Variants in ENTREP2 observed in about 807,000 individuals in gnomAD.
The protein encoded by ENTREP2 is protein ENTREP2.
the ENTREP2 span, among the ~76,000 whole-genome samples, chr15:29,238,027 G>T: frequency 4.6e-5 from 7 of 152,168 alleles, no homozygotes; most frequent in African/African-American, 1.7e-4. Flanking sequence ...ACATAAAAAA[G>T]AATGAAGTAC....
chr15:29,377,513 G>A, the ENTREP2 span, among the ~76,000 whole-genome samples: 2 of 151,998 alleles, frequency 1.3e-5, no homozygotes, highest in African/African-American at 4.8e-5. Context: ...AGAAGACAGG[G>A]GCAGCTGCAT....
At chr15:29,425,276 C>G in the ENTREP2 span, among the ~76,000 whole-genome samples, 5 of 151,700 alleles carry the variant, frequency 3.3e-5, no homozygotes, top group Non-Finnish European at 5.9e-5. Flanking sequence ...CTGACCTCAT[C>G]ATCTGCCTGC....
chr15:29,125,301 G>A, the ENTREP2 span, among the ~76,000 whole-genome samples: 1 of 152,182 alleles, frequency 6.6e-6, no homozygotes, highest in Admixed American at 6.5e-5. Context: ...CCAGCAGAGG[G>A]GGGTGTTTCA....
At chr15:29,296,270 G>A in the ENTREP2 span, among the ~76,000 whole-genome samples, 6 of 152,160 alleles carry the variant, frequency 3.9e-5, no homozygotes, top group African/African-American at 7.2e-5. Context: ...TTGGATGAGG[G>A]GGTAGCAGTG....
the ENTREP2 span, among the ~76,000 whole-genome samples, chr15:29,507,916 A>C: frequency 6.6e-6 from 1 of 152,178 alleles, no homozygotes; most frequent in Non-Finnish European, 1.5e-5. Context: ...GCAGAACTGA[A>C]GGAGATAGAG....
the ENTREP2 span, among the ~76,000 whole-genome samples, chr15:29,502,456 C>G: frequency 6.6e-6 from 1 of 151,606 alleles, no homozygotes. Context: ...AATCAAAGGC[C>G]TAAATGTAAG....
chr15:29,444,182 GAAAGAAAGAAAGAAAGAA>G, the ENTREP2 span, among the ~76,000 whole-genome samples: 1 of 34,972 alleles, frequency 2.9e-5, no homozygotes, highest in Non-Finnish European at 6.5e-5. Context: ...AAGAAAGAAA[GAAAGAAAGAAAGAAAGAA>G]AGAAAGAAAG....
chr15:29,318,511 G>A, the ENTREP2 span, among the ~76,000 whole-genome samples: 30 of 151,966 alleles, frequency 2.0e-4, no homozygotes, highest in South Asian at 4.2e-4. Flanking sequence ...TAGTAGAGAC[G>A]GGGTTTCACC....
chr15:29,355,420 T>G, the ENTREP2 span, among the ~76,000 whole-genome samples: 1 of 151,972 alleles, frequency 6.6e-6, no homozygotes, highest in Non-Finnish European at 1.5e-5. Flanking sequence ...TTGGCTTTTT[T>G]TTTTTTAAGC....
chr15:29,349,920 AAAT>A, the ENTREP2 span, among the ~76,000 whole-genome samples: 25 of 152,168 alleles, frequency 1.6e-4, no homozygotes, highest in African/African-American at 2.9e-4. Flanking sequence ...AAATAAATAA[AAAT>A]AATAATTAAT....
At chr15:29,126,634 C>T in the ENTREP2 span, 14 of 703,820 alleles carry the variant, frequency 2.0e-5, no homozygotes, top group East Asian at 3.6e-4. Flanking sequence ...ACAAATGCTG[C>T]TTTATGCTGT....
the ENTREP2 span, among the ~76,000 whole-genome samples, chr15:29,539,879 G>T: frequency 9.2e-5 from 14 of 152,008 alleles, no homozygotes; most frequent in Non-Finnish European, 1.6e-4. Flanking sequence ...AAGCCCTGGC[G>T]AGCCCTCACA....
chr15:29,407,793 G>C, the ENTREP2 span, among the ~76,000 whole-genome samples: 1 of 152,214 alleles, frequency 6.6e-6, no homozygotes, highest in South Asian at 2.1e-4. Context: ...AGCCTCCCGA[G>C]TAGCTGGGAC....
the ENTREP2 span, among the ~76,000 whole-genome samples, chr15:29,414,290 A>C: frequency 6.6e-6 from 1 of 152,238 alleles, no homozygotes; most frequent in Non-Finnish European, 1.5e-5. Context: ...AGAAATTATA[A>C]GGAACCGTCT....
the ENTREP2 span, among the ~76,000 whole-genome samples, chr15:29,350,761 G>A: frequency 6.6e-6 from 1 of 152,062 alleles, no homozygotes; most frequent in Non-Finnish European, 1.5e-5. Flanking sequence ...TAGCCAACAT[G>A]GTGAAACCCT....
At chr15:29,127,876 C>T in the ENTREP2 span, among the ~76,000 whole-genome samples, 1 of 152,186 alleles carries the variant, frequency 6.6e-6, no homozygotes, top group East Asian at 1.9e-4. Flanking sequence ...TACACTGTAC[C>T]CTGGGTTGGC....
At chr15:29,321,765 C>A in the ENTREP2 span, among the ~76,000 whole-genome samples, 1 of 151,802 alleles carries the variant, frequency 6.6e-6, no homozygotes, top group African/African-American at 2.4e-5. Context: ...AAAAGTAGTT[C>A]TTTGCAATGA....
At chr15:29,150,671 G>A in the ENTREP2 span, among the ~76,000 whole-genome samples, 2 of 152,144 alleles carry the variant, frequency 1.3e-5, no homozygotes, top group Non-Finnish European at 2.9e-5. Flanking sequence ...CACCGGGAGG[G>A]AGAGACTCCC....
the ENTREP2 span, among the ~76,000 whole-genome samples, chr15:29,218,237 G>A: frequency 6.6e-6 from 1 of 152,180 alleles, no homozygotes; most frequent in African/African-American, 2.4e-5. Flanking sequence ...CCTGACGGGA[G>A]GTGGCACTTT....
Sources: gnomAD v4.1 joint callset for allele counts (sites outside exome capture counted in the v4.1 genomes callset) on GRCh38, gnomAD v4.1.1 for gene constraint, MANE v1.5 for transcripts, NCBI Gene and HGNC (gene_info 2026-07-23, HGNC 2026-07-21) for gene names.